The following ARHGAP44 variants were observed in gnomAD, a reference collection of about 807,000 sequenced individuals.
The protein encoded by ARHGAP44 is Rho GTPase activating protein 44, also known as rho GTPase-activating protein 44.
In ARHGAP44, 43 loss-of-function variants were observed where a neutral mutation model predicts 106.8. That is an observed-to-expected ratio of 0.40 (90% CI 0.32 to 0.52). The LOEUF is 0.52. Ranked by LOEUF, ARHGAP44 falls within the 20% of genes least tolerant of loss-of-function variation. The pLI is 0.48. For missense variants in ARHGAP44, 866 were observed against 1,050.5 expected, an observed-to-expected ratio of 0.82 and a Z score of 2.43; for synonymous variants, 439 against 410.3, an observed-to-expected ratio of 1.07 and a Z score of -0.85.
chr17:12,877,940 G>A (rs1300730900), intron 1 of ARHGAP44, among the ~76,000 whole-genome samples: 3 of 152,178 alleles, frequency 2.0e-5, no homozygotes, highest in African/African-American at 7.2e-5. Context: ...GAACTCCCAG[G>A]TAGCATGTTA....
intron 16 of ARHGAP44, among the ~76,000 whole-genome samples, chr17:12,959,868 C>A (rs191851318): frequency 1.1e-4 from 17 of 152,344 alleles, no homozygotes; most frequent in Admixed American, 9.2e-4. Context: ...TAGAACCTTC[C>A]CCTTTCCGGA....
At chr17:12,883,275 G>A (rs962531095) in intron 1 of ARHGAP44, among the ~76,000 whole-genome samples, 4 of 149,478 alleles carry the variant, frequency 2.7e-5, no homozygotes, top group Admixed American at 6.6e-5. Flanking sequence ...TTATTTACCT[G>A]TTTCTTTTTC....
At chr17:12,900,563 C>T (rs1786473259) in intron 3 of ARHGAP44, among the ~76,000 whole-genome samples, 1 of 152,160 alleles carries the variant, frequency 6.6e-6, no homozygotes, top group South Asian at 2.1e-4. Flanking sequence ...AAATAAAGTG[C>T]TACCGTGTGG....
At chr17:12,929,149 C>G (rs2038330104) in intron 7 of ARHGAP44, 103 bp downstream of exon 7, 13 of 1,098,214 alleles carry the variant, frequency 1.2e-5, no homozygotes, top group Non-Finnish European at 1.6e-5. Flanking sequence ...CAGTGAGGCT[C>G]TAGTTGAACT....
At position 12,991,595 on chromosome 17, in the gene ARHGAP44, C is replaced by A. The variant is rs2040154930; in HGVS notation, c.*1424C>A. On this transcript the variant is annotated 3_prime_UTR_variant, in exon 21 of 21. Transcript: ENST00000379672. ...AAGTTGTTATCTTTAAATACATGTA[C>A]AAATCGTTGTCAAAAGTAACGTTAT... The A allele has an allele frequency of 5.5e-6, 1 of 180,626 alleles. No homozygotes were observed. Among genetic ancestry groups the A allele is most frequent in the Non-Finnish European group, 1.2e-5 (1 of 84,232 alleles). The allele number at this position is 180,626 out of a possible 1,614,324, so 11.2% of individuals were successfully genotyped here. A position where few individuals can be genotyped will look rare whatever the true frequency, so the allele number is the denominator to read the frequency against.
intron 1 of ARHGAP44, among the ~76,000 whole-genome samples, chr17:12,829,052 C>T (rs546399470): frequency 5.1e-4 from 77 of 152,194 alleles, no homozygotes; most frequent in Non-Finnish European, 1.0e-3. Context: ...AGTTTAGTTG[C>T]ATTAAACAAG....
chr17:12,815,947 G>T (rs1407035263), intron 1 of ARHGAP44, among the ~76,000 whole-genome samples: 3 of 152,172 alleles, frequency 2.0e-5, no homozygotes, highest in Non-Finnish European at 4.4e-5. Context: ...TATTGTGGAG[G>T]TTGGTGGAAG....
At chr17:12,893,704 G>A (rs1053444226) in intron 1 of ARHGAP44, among the ~76,000 whole-genome samples, 1 of 152,196 alleles carries the variant, frequency 6.6e-6, no homozygotes, top group African/African-American at 2.4e-5. Context: ...GTAGGACACA[G>A]TTCTTTTCTG....
intron 3 of ARHGAP44, among the ~76,000 whole-genome samples, chr17:12,903,873 T>C (rs1191671445): frequency 6.6e-6 from 1 of 152,168 alleles, no homozygotes; most frequent in East Asian, 1.9e-4. Flanking sequence ...AACAGTATCT[T>C]AGTTAGAGGC....
At chr17:12,861,727 TG>T (rs1391292283) in intron 1 of ARHGAP44, among the ~76,000 whole-genome samples, 4 of 144,576 alleles carry the variant, frequency 2.8e-5, no homozygotes, top group Non-Finnish European at 4.5e-5. Flanking sequence ...CTCCGCCTCC[TG>T]GGTTCAAGCG....
At chr17:12,948,030 T>A (rs1188890842) in intron 10 of ARHGAP44, among the ~76,000 whole-genome samples, 2 of 152,240 alleles carry the variant, frequency 1.3e-5, no homozygotes, top group African/African-American at 2.4e-5. Context: ...GAGTAAGGAC[T>A]GTTCTGCCTG....
chr17:12,819,271 A>AT (rs369402209), intron 1 of ARHGAP44, among the ~76,000 whole-genome samples: 18 of 151,150 alleles, frequency 1.2e-4, no homozygotes, highest in South Asian at 8.4e-4. Flanking sequence ...ATATATCAGT[A>AT]TTTTTTTTTG....
At chr17:12,894,125 G>A (rs768516464) in intron 1 of ARHGAP44, among the ~76,000 whole-genome samples, 10 of 152,040 alleles carry the variant, frequency 6.6e-5, no homozygotes, top group Admixed American at 3.9e-4. Context: ...TGCAATAGTC[G>A]AAATTCTTTA....
intron 1 of ARHGAP44, among the ~76,000 whole-genome samples, chr17:12,823,637 C>T (rs2034837593): frequency 2.0e-5 from 3 of 152,134 alleles, no homozygotes; most frequent in Admixed American, 6.5e-5. Flanking sequence ...TCTTCTCTCT[C>T]GTATATTCAA....
At chr17:12,866,901 T>C (rs1426995879) in intron 1 of ARHGAP44, among the ~76,000 whole-genome samples, 1 of 152,122 alleles carries the variant, frequency 6.6e-6, no homozygotes, top group African/African-American at 2.4e-5. Flanking sequence ...TACGGCAGCC[T>C]TTACTTCTCA....
At chr17:12,876,980 G>A (rs1348075701) in intron 1 of ARHGAP44, among the ~76,000 whole-genome samples, 2 of 151,878 alleles carry the variant, frequency 1.3e-5, no homozygotes, top group African/African-American at 4.8e-5. Flanking sequence ...GGCCTAGCTC[G>A]GGACTATGCA....
At position 12,949,300 on chromosome 17, in the gene ARHGAP44, G is replaced by T. The variant is rs1283932825; in HGVS notation, c.973+49G>T. 2.6e-6 allele frequency: 4 copies of T among 1,522,292 alleles called. No individual in the cohort carries two copies. The highest frequency in any genetic ancestry group is 1.8e-6 in the Non-Finnish European group (2 of 1,125,556). The allele number at this position is 1,522,292 out of a possible 1,614,324, so 94.3% of individuals were successfully genotyped here. ...TGTGCCATGGAGGCTCACAGGGAAG[G>T]GGTAGAGGGGAGGCTGTGTGGCTAC... On this transcript the variant is annotated intron_variant, in intron 11 of 20. Coordinates refer to ENST00000379672, the MANE Select transcript of ARHGAP44 (RefSeq NM_014859.6). This position sits in a 1 kb window ranked among gnomAD's most constrained non-coding sequence, Gnocchi z 4.1.
chr17:12,815,777 G>C (rs1034606087), intron 1 of ARHGAP44, among the ~76,000 whole-genome samples: 6 of 152,186 alleles, frequency 3.9e-5, no homozygotes, highest in Admixed American at 3.3e-4. Context: ...GAAGCTTCAT[G>C]GGGGAGGTGG....
At position 12,974,212 on chromosome 17, in the gene ARHGAP44, CCTGCCTTCGCCG is replaced by C. The variant is rs1278989108; in HGVS notation, c.1671_1682del (p.Ser558_Pro561del). The C allele has an allele frequency of 4.5e-6, 7 of 1,546,936 alleles. No homozygotes were observed. The Admixed American group carries it at 7.9e-5, about 17-fold the overall frequency. On this transcript the variant is annotated inframe_deletion, in exon 18 of 21. Coordinates refer to ENST00000379672, the MANE Select transcript of ARHGAP44 (RefSeq NM_014859.6). ...CCCCGCCCGCCGAGCTGGCTGCGCC[CCTGCCTTCGCCG>C]CTGCCGGAGCAGCCCCTGGACAGCC...
Sources: allele counts gnomAD v4.1 joint callset (sites outside exome capture counted in the v4.1 genomes callset), GRCh38; gene constraint gnomAD v4.1.1; non-coding constraint Gnocchi (gnomAD v3.1); transcripts MANE v1.5; gene names NCBI Gene and HGNC (gene_info 2026-07-23, HGNC 2026-07-21).